UNC13C: variants seen among roughly 807,000 people sequenced by gnomAD.
UNC13C encodes protein unc-13 homolog C.
UNC13C carries 174 observed loss-of-function variants against 245.4 expected under a neutral mutation model. The ratio of observed to expected loss-of-function variants is 0.71; its 90% CI spans 0.63 to 0.80. The LOEUF (loss-of-function observed/expected upper bound fraction) is 0.80. Among genes scored for constraint, UNC13C ranks in the 30% least tolerant of loss-of-function variants. UNC13C has a pLI of 0.00. For synonymous variants in UNC13C, 992 were observed against 895.1 expected (o/e 1.11, Z -1.93); for missense variants, 2,829 against 2,602.9 (o/e 1.09, Z -1.89).
chr15:54,335,164 C>T (rs2038540420), intron 16 of UNC13C, among the ~76,000 whole-genome samples: 1 of 152,056 alleles, frequency 6.6e-6, no homozygotes, highest in Admixed American at 6.6e-5. Flanking sequence ...TTTGTCTTCT[C>T]TTGTGCACTA....
At position 54,622,395 on chromosome 15, in the gene UNC13C, G is replaced by T; in HGVS notation, c.6175G>T (p.Gly2059Ter). ...HVDITATPGT[G>*]DHKVTVKVIA... ...GGACATCACTGCCACCCCAGGAACGGGAGATCATAAAGTCACTGTAAAAGG... is the reference window on the plus strand; with the variant it reads ...GGACATCACTGCCACCCCAGGAACGTGAGATCATAAAGTCACTGTAAAAGG... Residue 2059 changes from glycine to a stop codon, truncating the protein, a stop_gained, in exon 31 of 33, where the codon GGA (glycine) becomes TGA (stop). Transcript: ENST00000260323. LOFTEE classifies it high-confidence loss of function. The T allele has an allele frequency of 6.2e-7, 1 of 1,613,072 alleles. No homozygotes were observed. Among genetic ancestry groups the T allele is most frequent in the Non-Finnish European group, 8.5e-7 (1 of 1,179,334 alleles).
At chr15:54,336,501 C>G (rs756150107) in intron 16 of UNC13C, among the ~76,000 whole-genome samples, 1 of 146,766 alleles carries the variant, frequency 6.8e-6, no homozygotes, top group East Asian at 2.0e-4. Flanking sequence ...TTTTTTTTTT[C>G]TAATTATGGA....
At chr15:54,313,810 C>T (rs1255153951) in intron 13 of UNC13C, among the ~76,000 whole-genome samples, 1 of 151,456 alleles carries the variant, frequency 6.6e-6, no homozygotes, top group Non-Finnish European at 1.5e-5. Flanking sequence ...ATCATTATGT[C>T]AAAGATATAT....
At chr15:54,331,870 A>T (rs985959486) in intron 14 of UNC13C, among the ~76,000 whole-genome samples, 173 bp from the exon 15 acceptor site, 1 of 152,102 alleles carries the variant, frequency 6.6e-6, no homozygotes, top group African/African-American at 2.4e-5. Context: ...GGTGTCAAAG[A>T]GACCTGAGTT....
In UNC13C at chr15:54,239,529, C is replaced by T. The variant is rs570213680; in HGVS notation, c.3228+1839C>T. Among the ~76,000 whole-genome samples the T allele has an allele frequency of 9.8e-5, 15 of 152,326 alleles. No homozygotes were observed. In the East Asian group the frequency reaches 1.4e-3, roughly 14 times the overall value. ...GCAGTGGTAGGGTCATAGCTCACTG[C>T]AGCCTCAACCTTCAGAGCTCACATG... On this transcript the variant is annotated intron_variant, in intron 7 of 32. Transcript: ENST00000260323.
chr15:54,020,864 G>A (rs1482256817), intron 2 of UNC13C, among the ~76,000 whole-genome samples: 1 of 151,202 alleles, frequency 6.6e-6, no homozygotes, highest in African/African-American at 2.4e-5. Context: ...TTTTTTGTTT[G>A]TTTTTGGTAA....
intron 2 of UNC13C, among the ~76,000 whole-genome samples, chr15:54,089,836 A>G (rs1040812835): frequency 1.3e-5 from 2 of 152,148 alleles, no homozygotes; most frequent in Non-Finnish European, 2.9e-5. Flanking sequence ...CAAGGTGTCA[A>G]TACAATTCCT....
chr15:54,495,661 G>A (rs1893915907), intron 20 of UNC13C, among the ~76,000 whole-genome samples: 1 of 151,976 alleles, frequency 6.6e-6, no homozygotes, highest in Non-Finnish European at 1.5e-5. Context: ...AAAATTAATA[G>A]AAAGTAATAT....
chr15:54,310,716 A>T (rs2037845331), intron 13 of UNC13C, among the ~76,000 whole-genome samples: 1 of 151,310 alleles, frequency 6.6e-6, no homozygotes, highest in Non-Finnish European at 1.5e-5. Flanking sequence ...GGCCACCCAG[A>T]TTCCTTTTAT....
intron 4 of UNC13C, among the ~76,000 whole-genome samples, chr15:54,226,676 G>A (rs998610968): frequency 6.6e-5 from 10 of 152,302 alleles, no homozygotes; most frequent in African/African-American, 1.9e-4. Flanking sequence ...GTCCAGCCAC[G>A]GTGTAAAACC....
chr15:54,597,009 T>A (rs569973946), intron 30 of UNC13C, among the ~76,000 whole-genome samples: 55 of 152,300 alleles, frequency 3.6e-4, no homozygotes, highest in African/African-American at 1.3e-3. Context: ...GGAAGTCCCA[T>A]CTTCAGGAAG....
intron 4 of UNC13C, among the ~76,000 whole-genome samples, chr15:54,230,958 C>T (rs1050513838): frequency 9.2e-5 from 14 of 151,944 alleles, no homozygotes; most frequent in African/African-American, 3.4e-4. Context: ...AAAATAATAT[C>T]CATTTTGTCA....
intron 24 of UNC13C, 118 bp from the exon 25 acceptor site, chr15:54,525,430 AG>A: frequency 1.7e-6 from 1 of 574,062 alleles, no homozygotes; most frequent in Non-Finnish European, 2.8e-6. Flanking sequence ...AAAAAAAAGA[AG>A]AGAAAAAAGC....
intron 2 of UNC13C, among the ~76,000 whole-genome samples, chr15:54,031,686 A>G (rs965714046): frequency 6.6e-6 from 1 of 152,226 alleles, no homozygotes; most frequent in Non-Finnish European, 1.5e-5. Flanking sequence ...GTGTGCATGC[A>G]TAATGACTTA....
intron 30 of UNC13C, among the ~76,000 whole-genome samples, chr15:54,595,129 C>G (rs540327492): frequency 2.0e-5 from 3 of 152,294 alleles, no homozygotes; most frequent in South Asian, 2.1e-4. Context: ...AGATCTTTAA[C>G]TTATCGGGAC....
chr15:54,359,942 G>A (rs551471990), intron 17 of UNC13C, among the ~76,000 whole-genome samples: 1 of 151,644 alleles, frequency 6.6e-6, no homozygotes, highest in Admixed American at 6.6e-5. Context: ...CTTTCTTGAT[G>A]TAAGTGTTTA....
intron 4 of UNC13C, among the ~76,000 whole-genome samples, chr15:54,170,582 AT>A (rs2141283129): frequency 6.6e-6 from 1 of 152,110 alleles, no homozygotes; most frequent in South Asian, 2.1e-4. Flanking sequence ...TCCTTAAAAT[AT>A]CTTATTTTTC....
At chr15:53,886,114 C>A in the UNC13C span, among the ~76,000 whole-genome samples, 1 of 152,026 alleles carries the variant, frequency 6.6e-6, no homozygotes, top group African/African-American at 2.4e-5. Flanking sequence ...TGGTTACATA[C>A]AGAAATATTT....
At chr15:54,270,880 CT>C (rs1444526877) in intron 10 of UNC13C, among the ~76,000 whole-genome samples, 1 of 151,906 alleles carries the variant, frequency 6.6e-6, no homozygotes, top group Non-Finnish European at 1.5e-5. Flanking sequence ...TTTTTTCCCC[CT>C]ACATCCAAAC....
Sources: gnomAD v4.1 joint callset for allele counts (sites outside exome capture counted in the v4.1 genomes callset) on GRCh38, gnomAD v4.1.1 for gene constraint, MANE v1.5 for transcripts, NCBI Gene and HGNC (gene_info 2026-07-23, HGNC 2026-07-21) for gene names.